Variants in CEMIP observed in about 807,000 individuals in gnomAD.
The protein encoded by CEMIP is cell migration inducing hyaluronidase 1.
Under a neutral mutation model 156.9 loss-of-function variants are expected in CEMIP, and 105 were observed. The observed-to-expected ratio is 0.67, with a 90% CI of 0.57 to 0.79. The LOEUF (loss-of-function observed/expected upper bound fraction) is 0.79. Among genes scored for constraint, CEMIP ranks in the 30% least tolerant of loss-of-function variants. The pLI, the probability that CEMIP is intolerant of heterozygous loss-of-function variation, is 0.00. For missense variants in CEMIP, 1,457 were observed against 1,769.4 expected (o/e 0.82, Z 3.17); for synonymous variants, 676 against 668.4 (o/e 1.01, Z -0.17).
intron 1 of CEMIP, among the ~76,000 whole-genome samples, chr15:80,855,602 G>A (rs1596136636): frequency 6.6e-6 from 1 of 152,056 alleles, no homozygotes; most frequent in East Asian, 1.9e-4. Context: ...CTGCCTCCTG[G>A]GTTCAAGCTC....
intron 1 of CEMIP, among the ~76,000 whole-genome samples, chr15:80,870,004 G>A (rs909699586): frequency 1.3e-5 from 2 of 152,252 alleles, no homozygotes; most frequent in African/African-American, 2.4e-5. Flanking sequence ...CACTGACCAC[G>A]GGTCACAGTG....
At chr15:80,851,970 GGATA>G (rs1254673138) in intron 1 of CEMIP, among the ~76,000 whole-genome samples, 1 of 152,184 alleles carries the variant, frequency 6.6e-6, no homozygotes, top group Non-Finnish European at 1.5e-5. Flanking sequence ...GTGAATGTCA[GGATA>G]GAGAGGTCCT....
At position 80,936,734 on chromosome 15, in the gene CEMIP, C is replaced by A; in HGVS notation, c.3070C>A (p.Pro1024Thr). Residue 1024 changes from proline to threonine, a missense_variant, in exon 24 of 30, where the codon CCC becomes ACC. Around this residue, in one of 5 missense-constraint regions of CEMIP, gnomAD observed 798 missense variants for 980.1 expected, o/e 0.81. Coordinates refer to ENST00000394685, the MANE Select transcript of CEMIP (RefSeq NM_001293298.2). ...AATGAAGATCATCAAGAATGACTTC[C>A]CCAGCCACCCTCTTTACCTGGAGGG... ...LRMKIIKNDF[P>T]SHPLYLEGAL... The A allele has an allele frequency of 1.9e-6, 3 of 1,614,170 alleles. No individual in the cohort carries two copies. The highest frequency in any genetic ancestry group is 1.7e-6 in the Non-Finnish European group (2 of 1,180,028).
chr15:80,942,973 A>G lies in CEMIP; in HGVS notation c.3728A>G (p.Glu1243Gly), dbSNP rs750448023. The change falls in exon 28 of 30, where the codon GAG (glutamate) becomes GGG (glycine). Residue 1243 changes from glutamate to glycine, a missense_variant. Physicochemically the swap from Glu to Gly is moderately conservative, Grantham distance 98. Transcript: ENST00000394685. ...EVDGKKYPSS[E>G]DGIQVVVIDG... ...GATGGGAAGAAGTACCCCAGTTCGG[A>G]GGATGGCATCCAGGTGGTGGTGATT... 1 of 1,614,096 alleles carries G rather than the reference A, an allele frequency of 6.2e-7. No homozygotes were observed. The highest frequency in any genetic ancestry group is 1.3e-5 in the African/African-American group (1 of 74,936).
intron 3 of CEMIP, among the ~76,000 whole-genome samples, chr15:80,878,138 G>A (rs1898532879): frequency 6.6e-6 from 1 of 152,212 alleles, no homozygotes; most frequent in African/African-American, 2.4e-5. Context: ...CCTACAGTGT[G>A]ACATCTCCAC....
intron 23 of CEMIP, among the ~76,000 whole-genome samples, chr15:80,936,246 T>G (rs1236255123): frequency 6.6e-6 from 1 of 152,172 alleles, no homozygotes. Context: ...ACCCAGGCAC[T>G]CTCTAAAATC....
chr15:80,933,127 T>G, intron 22 of CEMIP, 118 bp from the exon 23 acceptor site: 1 of 878,060 alleles, frequency 1.1e-6, no homozygotes. Context: ...CCCGAGAGCA[T>G]CTTTGTTTTG....
At chr15:80,892,559 C>T (rs941851089) in intron 10 of CEMIP, among the ~76,000 whole-genome samples, 2 of 152,076 alleles carry the variant, frequency 1.3e-5, no homozygotes, top group Non-Finnish European at 2.9e-5. Flanking sequence ...GGCTAGAGGT[C>T]GGCCTGATGG....
intron 12 of CEMIP, among the ~76,000 whole-genome samples, chr15:80,902,146 C>A (rs17248736): frequency 6.6e-6 from 1 of 152,034 alleles, no homozygotes. Flanking sequence ...TTCTCTTGAC[C>A]CTGGGGTACC....
intron 1 of CEMIP, among the ~76,000 whole-genome samples, chr15:80,848,111 A>G (rs572358595): frequency 6.6e-6 from 1 of 152,338 alleles, no homozygotes; most frequent in Admixed American, 6.5e-5. Context: ...CCCAGATGAA[A>G]TAGAAATTGG....
chr15:80,892,915 G>A (rs1157527264), intron 10 of CEMIP, among the ~76,000 whole-genome samples: 1 of 152,218 alleles, frequency 6.6e-6, no homozygotes, highest in African/African-American at 2.4e-5. Flanking sequence ...TGGCTGGACT[G>A]GTGGCCCACG....
chr15:80,868,781 A>G (rs1898196055), intron 1 of CEMIP, among the ~76,000 whole-genome samples: 1 of 152,232 alleles, frequency 6.6e-6, no homozygotes, highest in African/African-American at 2.4e-5. Context: ...GCTTTGAGAT[A>G]GTAAATTCGT....
At chr15:80,790,315 T>C (rs1352265427) in intron 1 of CEMIP, among the ~76,000 whole-genome samples, 2 of 152,216 alleles carry the variant, frequency 1.3e-5, no homozygotes, top group Non-Finnish European at 2.9e-5. Flanking sequence ...TGTTCACTCT[T>C]GTGTATTCTG....
At chr15:80,825,901 T>C (rs1897026918) in intron 1 of CEMIP, among the ~76,000 whole-genome samples, 1 of 152,256 alleles carries the variant, frequency 6.6e-6, no homozygotes. Context: ...TGTCTGTTAT[T>C]GCCCAGGCAA....
intron 19 of CEMIP, among the ~76,000 whole-genome samples, chr15:80,927,711 C>T (rs999149415): frequency 1.3e-5 from 2 of 152,066 alleles, no homozygotes; most frequent in African/African-American, 2.4e-5. Flanking sequence ...TCGGGGCTGA[C>T]AGAAGACAGG....
chr15:80,896,158 T>C, intron 12 of CEMIP, 98 bp downstream of exon 12: 1 of 1,234,478 alleles, frequency 8.1e-7, no homozygotes, highest in South Asian at 1.2e-5. Context: ...CAGTCAGCTA[T>C]GGCTGTAATA....
chr15:80,879,959 A>G, intron 5 of CEMIP, 105 bp downstream of exon 5: 3 of 1,306,190 alleles, frequency 2.3e-6, no homozygotes, highest in Non-Finnish European at 2.2e-6. Context: ...CCTGTAAGAT[A>G]GGAATCATTC....
chr15:80,950,578 C>G lies in CEMIP; in HGVS notation c.*1654C>G, dbSNP rs1328451147. Reference sequence around the variant, plus strand: ...AACTCCCCATTGGTGCTACCTGGCTCTCCTGTCTCTGCAGCTCTACAGGTG... The same window carrying G: ...AACTCCCCATTGGTGCTACCTGGCTGTCCTGTCTCTGCAGCTCTACAGGTG... On this transcript the variant is annotated 3_prime_UTR_variant, in exon 30 of 30. Coordinates refer to ENST00000394685, the MANE Select transcript of CEMIP (RefSeq NM_001293298.2). 6.6e-6 allele frequency: 1 copy of G among 152,288 alleles called. No homozygotes were observed. The highest frequency in any genetic ancestry group is 1.9e-4 in the East Asian group (1 of 5,186). 9.4% of individuals were successfully genotyped at this position (152,288 alleles called of 1,614,324 possible). A position where few individuals can be genotyped will look rare whatever the true frequency, so the allele number is the denominator to read the frequency against.
At chr15:80,899,721 A>G (rs1899388952) in intron 12 of CEMIP, among the ~76,000 whole-genome samples, 1 of 152,196 alleles carries the variant, frequency 6.6e-6, no homozygotes, top group Admixed American at 6.5e-5. Context: ...TGAAGGGCAG[A>G]AGCCTACTGG....
Sources: gnomAD v4.1 joint callset for allele counts (sites outside exome capture counted in the v4.1 genomes callset) on GRCh38, gnomAD v4.1.1 for gene constraint, gnomAD v4.1.1 regional missense constraint, MANE v1.5 for transcripts, NCBI Gene and HGNC (gene_info 2026-07-23, HGNC 2026-07-21) for gene names.